UNC45B: variants seen among roughly 807,000 people sequenced by gnomAD.
UNC45B encodes the protein protein unc-45 homolog B.
In UNC45B, 78 loss-of-function variants were observed where a neutral mutation model predicts 98.7. The observed-to-expected ratio is 0.79, with a 90% CI of 0.66 to 0.95. The LOEUF (loss-of-function observed/expected upper bound fraction) is 0.95. Among genes scored for constraint, UNC45B ranks in the 40% least tolerant of loss-of-function variants. The pLI is 0.00. For missense variants in UNC45B, 1,225 were observed against 1,184.9 expected, an observed-to-expected ratio of 1.03 and a Z score of -0.50; for synonymous variants, 462 against 480.4, an observed-to-expected ratio of 0.96 and a Z score of 0.50.
chr17:35,169,876 G>T lies in UNC45B; in HGVS notation c.1492G>T (p.Gly498Cys). ...KLGSAGGTDY[G>C]LRQFAEGSTE... is the part of the protein sequence containing the mutation. ...CGGCTCTGCAGGTGGCACAGACTAC[G>T]GTCTCAGGCAGTTTGCGGAAGGGTC... is the stretch of plus-strand genomic sequence containing the variant. Residue 498 changes from glycine to cysteine, a missense_variant, in exon 11 of 20, where the codon GGT (glycine) becomes TGT (cysteine). Physicochemically the swap from Gly to Cys is radical, Grantham distance 159. Coordinates refer to ENST00000394570, the MANE Select transcript of UNC45B (RefSeq NM_001267052.2). 6.2e-7 allele frequency: 1 copy of T among 1,614,142 alleles called. No homozygotes were observed. The highest frequency in any genetic ancestry group is 8.5e-7 in the Non-Finnish European group (1 of 1,180,024).
intron 8 of UNC45B, among the ~76,000 whole-genome samples, chr17:35,161,196 T>G (rs2092100057): frequency 6.6e-6 from 1 of 152,200 alleles, no homozygotes; most frequent in South Asian, 2.1e-4. Context: ...AGAGCAGTAT[T>G]TTTTATTCTG....
At chr17:35,155,717 A>T (rs1057509178) in intron 7 of UNC45B, among the ~76,000 whole-genome samples, 1 of 152,062 alleles carries the variant, frequency 6.6e-6, no homozygotes, top group Admixed American at 6.5e-5. Context: ...CTACAGGCAC[A>T]CACCATCATG....
intron 9 of UNC45B, among the ~76,000 whole-genome samples, chr17:35,167,537 G>T (rs750098515): frequency 5.9e-5 from 9 of 151,784 alleles, no homozygotes; most frequent in Non-Finnish European, 1.3e-4. Context: ...TGGGAGGATT[G>T]CTTGAGCTTA....
At position 35,171,473 on chromosome 17, in the gene UNC45B, G is replaced by A; in HGVS notation, c.1830+11G>A. The stretch of plus-strand genomic sequence containing the variant: ...GAGGAACACCCCAAGGTAGGGTCAG[G>A]CGCGACCCGGGAGGGGTCTGGTCTG... On this transcript the variant is annotated intron_variant, in intron 13 of 19. Transcript: ENST00000394570. The A allele has an allele frequency of 6.2e-7, 1 of 1,613,544 alleles. No individual in the cohort carries two copies. Among genetic ancestry groups the A allele is most frequent in the South Asian group, 1.1e-5 (1 of 91,012 alleles).
At position 35,172,922 on chromosome 17, in the gene UNC45B, A is replaced by G. The variant is rs111397232; in HGVS notation, c.1831-1320A>G. Among the ~76,000 whole-genome samples, 693 of 152,258 alleles carry G rather than the reference A, an allele frequency of 4.6e-3. 9 individuals are homozygous for G. Among genetic ancestry groups the G allele is most frequent in the African/African-American group, 0.015 (636 of 41,536 alleles). On this transcript the variant is annotated intron_variant, in intron 13 of 19. Coordinates refer to ENST00000394570, the MANE Select transcript of UNC45B (RefSeq NM_001267052.2). Reference sequence around the variant, plus strand: ...AGAGAATCTTTGGGACTGGTTTTCTACGGTATCAGCTCCTCAGGCTCTGTC... The same window carrying G: ...AGAGAATCTTTGGGACTGGTTTTCTGCGGTATCAGCTCCTCAGGCTCTGTC...
At chr17:35,175,047 GAAAGA>G in intron 14 of UNC45B, among the ~76,000 whole-genome samples, 1 of 133,194 alleles carries the variant, frequency 7.5e-6, no homozygotes, top group African/African-American at 2.8e-5. Flanking sequence ...AAGAAGGAAA[GAAAGA>G]AAGGAAAGAA....
chr17:35,171,926 T>A (rs1215016268), intron 13 of UNC45B, among the ~76,000 whole-genome samples: 1 of 152,208 alleles, frequency 6.6e-6, no homozygotes, highest in Non-Finnish European at 1.5e-5. Flanking sequence ...CACATGAAGA[T>A]ATGATTTGTG....
rs781499467 is a variant in UNC45B at position 35,180,677 on chromosome 17, G to T, written c.2373+1G>T. 2.5e-6 allele frequency: 4 copies of T among 1,612,404 alleles called. No individual in the cohort carries two copies. The South Asian group carries it at 3.3e-5, about 13-fold the overall frequency. On this transcript the variant is annotated splice_donor_variant, in intron 18 of 19. Coordinates refer to ENST00000394570, the MANE Select transcript of UNC45B (RefSeq NM_001267052.2). LOFTEE classifies it high-confidence loss of function. ...GTGCAACATGGTGCTCCACAAGGAG[G>T]TGAGGCAGGGGCTCAGGATGGAGAC...
intron 12 of UNC45B, 72 bp downstream of exon 12, chr17:35,170,327 G>A (rs2092175444): frequency 1.4e-6 from 2 of 1,459,654 alleles, no homozygotes; most frequent in Admixed American, 2.4e-5. Flanking sequence ...CACAGGGAAT[G>A]GATCCCAGTC....
intron 19 of UNC45B, among the ~76,000 whole-genome samples, chr17:35,185,226 C>T (rs182497244): frequency 3.3e-5 from 5 of 152,288 alleles, no homozygotes; most frequent in Admixed American, 2.6e-4. Context: ...GTGAGCCCTG[C>T]TGACAAATGC....
At chr17:35,165,295 C>T (rs184912466) in intron 9 of UNC45B, among the ~76,000 whole-genome samples, 45 of 152,314 alleles carry the variant, frequency 3.0e-4, no homozygotes, top group Non-Finnish European at 5.0e-4. Context: ...GGGGTTAGGA[C>T]CCTCAGCAGC....
At position 35,183,475 on chromosome 17, in the gene UNC45B, G is replaced by A; in HGVS notation, c.2422G>A (p.Val808Met). The A allele has an allele frequency of 6.2e-7, 1 of 1,604,652 alleles. No homozygotes were observed. The highest frequency in any genetic ancestry group is 8.5e-7 in the Non-Finnish European group (1 of 1,175,002). The change falls in exon 19 of 20, where the codon GTG becomes ATG. Residue 808 changes from valine to methionine, a missense_variant. Transcript: ENST00000394570. ...ADGNDRLKLV[V>M]LLCGEDDDKV... ...CGGGAATGACCGGCTGAAGCTGGTGGTGCTGCTCTGCGGGGAGGATGATGA... is the reference window on the plus strand; with the variant it reads ...CGGGAATGACCGGCTGAAGCTGGTGATGCTGCTCTGCGGGGAGGATGATGA...
intron 7 of UNC45B, among the ~76,000 whole-genome samples, chr17:35,155,861 C>T (rs2092057404): frequency 6.6e-6 from 1 of 152,218 alleles, no homozygotes; most frequent in African/African-American, 2.4e-5. Flanking sequence ...TGAGCCACTA[C>T]ACCTGGCCTG....
At chr17:35,178,900 A>G (rs967936546) in intron 17 of UNC45B, among the ~76,000 whole-genome samples, 2 of 151,918 alleles carry the variant, frequency 1.3e-5, no homozygotes, top group South Asian at 2.1e-4. Flanking sequence ...TGGTCTATAT[A>G]TCTGTTTTGG....
rs537884496 is a variant in UNC45B at position 35,187,632 on chromosome 17, C to T, written c.*1073C>T. On this transcript the variant is annotated 3_prime_UTR_variant, in exon 20 of 20. Coordinates refer to ENST00000394570, the MANE Select transcript of UNC45B (RefSeq NM_001267052.2). Reference sequence around the variant, plus strand: ...AGTCTAGGGAAGAAATGAGCTTCATCCCTGTCCAATTGACATGGACTGATT... The same window carrying T: ...AGTCTAGGGAAGAAATGAGCTTCATTCCTGTCCAATTGACATGGACTGATT... The T allele has an allele frequency of 6.6e-6, 1 of 152,314 alleles. No homozygotes were observed. Among genetic ancestry groups the T allele is most frequent in the East Asian group, 1.9e-4 (1 of 5,182 alleles). The allele number at this position is 152,314 out of a possible 1,614,324, so 9.4% of individuals were successfully genotyped here. A position where few individuals can be genotyped will look rare whatever the true frequency, so the allele number is the denominator to read the frequency against.
chr17:35,155,321 G>T lies in UNC45B; in HGVS notation c.665G>T (p.Arg222Leu). ...ARATVILHAV[R>L]IDRICSLMAV... ...GCCACAGTGATTCTGCATGCAGTGCGGATAGACCGAATCTGTAGCCTCATG... is the reference window on the plus strand; with the variant it reads ...GCCACAGTGATTCTGCATGCAGTGCTGATAGACCGAATCTGTAGCCTCATG... Residue 222 changes from arginine to leucine, a missense_variant, in exon 7 of 20, where the codon CGG (arginine) becomes CTG (leucine). Arg to Leu is a moderately radical substitution (Grantham distance 102, BLOSUM62 -2). Coordinates refer to ENST00000394570, the MANE Select transcript of UNC45B (RefSeq NM_001267052.2). The T allele has an allele frequency of 6.2e-7, 1 of 1,614,158 alleles. No homozygotes were observed. The highest frequency in any genetic ancestry group is 8.5e-7 in the Non-Finnish European group (1 of 1,180,036).
rs1489314077 is a variant in UNC45B at position 35,149,022 on chromosome 17, C to A, written c.205+13C>A. The A allele has an allele frequency of 1.9e-6, 3 of 1,614,128 alleles. No homozygotes were observed. The South Asian group carries it at 3.3e-5, about 18-fold the overall frequency. On this transcript the variant is annotated intron_variant, in intron 3 of 19. Coordinates refer to ENST00000394570, the MANE Select transcript of UNC45B (RefSeq NM_001267052.2). ...GATGCCTCCAGAGGTGAGCCCCTCC[C>A]ACCTCCAAGCTTGCCCTGTCACATT...
intron 12 of UNC45B, among the ~76,000 whole-genome samples, chr17:35,170,564 C>T (rs1403214555): frequency 2.7e-5 from 4 of 146,418 alleles, no homozygotes; most frequent in African/African-American, 1.0e-4. Context: ...AGCAGGGCAT[C>T]GTAGCACGTG....
chr17:35,170,344 C>T, intron 12 of UNC45B, 89 bp downstream of exon 12: 2 of 1,405,724 alleles, frequency 1.4e-6, no homozygotes, highest in African/African-American at 1.4e-5. Context: ...AGTCTTCCTC[C>T]TGGCTCTACT....
Sources: gnomAD v4.1 joint callset for allele counts (sites outside exome capture counted in the v4.1 genomes callset) on GRCh38, gnomAD v4.1.1 for gene constraint, MANE v1.5 for transcripts, NCBI Gene and HGNC (gene_info 2026-07-23, HGNC 2026-07-21) for gene names.